The following RHOA variants were observed in gnomAD, a reference collection of about 807,000 sequenced individuals.
RHOA encodes transforming protein RhoA.
In RHOA, 3 loss-of-function variants were observed where a neutral mutation model predicts 17.5. The observed-to-expected ratio is 0.17, with a 90% CI of 0.08 to 0.44. RHOA has a LOEUF of 0.44. Ranked by LOEUF, RHOA falls within the 20% of genes least tolerant of loss-of-function variation. The probability of loss-of-function intolerance (pLI) is 0.99; values close to 1 mark genes in which losing one functional copy is unlikely to be tolerated. For missense variants in RHOA, 56 were observed against 242.3 expected (o/e 0.23, Z 5.10); for synonymous variants, 98 against 88.4 (o/e 1.11, Z -0.61).
chr3:49,400,774 G>C (rs546544227), intron 1 of RHOA, among the ~76,000 whole-genome samples: 1 of 151,724 alleles, frequency 6.6e-6, no homozygotes, highest in Non-Finnish European at 1.5e-5. Flanking sequence ...AGCCGGGCAC[G>C]GTGGCTCACG....
intron 2 of RHOA, among the ~76,000 whole-genome samples, chr3:49,372,801 C>CTTAG (rs1308970732): frequency 6.6e-6 from 1 of 151,186 alleles, no homozygotes; most frequent in Non-Finnish European, 1.5e-5. Context: ...GTATTCATCT[C>CTTAG]TTAGAAAGCG....
chr3:49,367,189 A>G (rs1289830503), intron 3 of RHOA, among the ~76,000 whole-genome samples: 1 of 151,734 alleles, frequency 6.6e-6, no homozygotes. Flanking sequence ...AAAAAATACA[A>G]AAAATTAGCC....
intron 4 of RHOA, chr3:49,361,010 T>C: frequency 4.1e-6 from 1 of 241,268 alleles, no homozygotes; most frequent in South Asian, 3.3e-5. Context: ...GAGGCGGAGG[T>C]TGCAGTTGAG....
chr3:49,401,506 G>A (rs2048724110), intron 1 of RHOA, among the ~76,000 whole-genome samples: 1 of 150,230 alleles, frequency 6.7e-6, no homozygotes, highest in Non-Finnish European at 1.5e-5. Context: ...TGCAGTGAGT[G>A]GAGATCGGGC....
intron 1 of RHOA, among the ~76,000 whole-genome samples, chr3:49,401,073 C>T (rs967705396): frequency 5.5e-5 from 7 of 126,358 alleles, no homozygotes; most frequent in Non-Finnish European, 5.1e-5. Context: ...AGTTAATTTC[C>T]TACCTTTTAG....
intron 1 of RHOA, among the ~76,000 whole-genome samples, chr3:49,402,082 C>T (rs1195620498): frequency 6.6e-6 from 1 of 152,154 alleles, no homozygotes; most frequent in Non-Finnish European, 1.5e-5. Context: ...AACTCAAGTT[C>T]TTTGGGGAAA....
At chr3:49,409,058 G>C (rs1348523424) in intron 1 of RHOA, among the ~76,000 whole-genome samples, 3 of 151,592 alleles carry the variant, frequency 2.0e-5, no homozygotes, top group African/African-American at 7.3e-5. Context: ...AAAGTGCTGG[G>C]ATTACAGGCA....
intron 1 of RHOA, among the ~76,000 whole-genome samples, chr3:49,392,107 C>T (rs1388272418): frequency 2.0e-4 from 30 of 151,830 alleles, no homozygotes; most frequent in Non-Finnish European, 1.6e-4. Flanking sequence ...GGATTACAGG[C>T]GTGAGCCACC....
chr3:49,363,608 T>C (rs1575642168), intron 3 of RHOA, among the ~76,000 whole-genome samples: 1 of 152,014 alleles, frequency 6.6e-6, no homozygotes. Flanking sequence ...TCCCAGCACT[T>C]TGGGAGGCTT....
intron 1 of RHOA, among the ~76,000 whole-genome samples, chr3:49,401,682 T>C (rs1033758132): frequency 2.6e-5 from 4 of 152,172 alleles, no homozygotes; most frequent in Non-Finnish European, 4.4e-5. Context: ...CTGTCCATAA[T>C]GAACTTGAGC....
At chr3:49,371,436 C>A (rs2048146371) in intron 2 of RHOA, among the ~76,000 whole-genome samples, 1 of 151,932 alleles carries the variant, frequency 6.6e-6, no homozygotes, top group African/African-American at 2.4e-5. Flanking sequence ...CCTGCCACCA[C>A]GCCCAGCTAA....
intron 1 of RHOA, among the ~76,000 whole-genome samples, chr3:49,403,219 T>C (rs982346301): frequency 6.6e-6 from 1 of 151,886 alleles, no homozygotes; most frequent in African/African-American, 2.4e-5. Context: ...GCACCTGTAG[T>C]CCCAGCTACT....
chr3:49,406,440 T>C (rs946036724), intron 1 of RHOA, among the ~76,000 whole-genome samples: 1 of 152,172 alleles, frequency 6.6e-6, no homozygotes, highest in Non-Finnish European at 1.5e-5. Flanking sequence ...TTTTAAATCA[T>C]GGGACTGAAT....
At chr3:49,363,019 T>C (rs2047995362) in intron 3 of RHOA, among the ~76,000 whole-genome samples, 1 of 152,234 alleles carries the variant, frequency 6.6e-6, no homozygotes, top group Non-Finnish European at 1.5e-5. Flanking sequence ...GTCCCCATTC[T>C]AGGGCAGCAG....
intron 1 of RHOA, among the ~76,000 whole-genome samples, chr3:49,410,676 A>G (rs899884477): frequency 9.9e-5 from 15 of 152,252 alleles, no homozygotes; most frequent in Non-Finnish European, 1.2e-4. Flanking sequence ...CGCATGGTAC[A>G]CATTACACAT....
rs1265665544 is a variant in RHOA, at chr3:49,359,222, A to G, written c.*987T>C. Reference sequence around the variant, plus strand: ...AAAAAAAGTTTAGTCAGCTGGAGAGAAGAGAGACTGAGTGCCACCCATGAG... The same window carrying G: ...AAAAAAAGTTTAGTCAGCTGGAGAGGAGAGAGACTGAGTGCCACCCATGAG... On this transcript the variant is annotated 3_prime_UTR_variant, in exon 5 of 5. Coordinates refer to ENST00000418115, the MANE Select transcript of RHOA (RefSeq NM_001664.4). 5.2e-6 allele frequency: 1 copy of G among 190,754 alleles called. No individual in the cohort carries two copies. Among genetic ancestry groups the G allele is most frequent in the African/African-American group, 2.3e-5 (1 of 42,876 alleles). 11.8% of individuals were successfully genotyped at this position (190,754 alleles called of 1,614,324 possible). A position where few individuals can be genotyped will look rare whatever the true frequency, so the allele number is the denominator to read the frequency against.
In RHOA at chr3:49,393,435, T is replaced by A. The variant is rs563579995; in HGVS notation, c.-2-17844A>T. On this transcript the variant is annotated intron_variant, in intron 1 of 4. Transcript: ENST00000418115. ...AGTTCTCCCACCTCAGTATCCCAAG[T>A]AGCTGAGACCACAGGCACACACCAC... Among the ~76,000 whole-genome samples, 15 of 151,604 alleles carry A rather than the reference T, an allele frequency of 9.9e-5. No individual in the cohort carries two copies. In the East Asian group the frequency reaches 2.9e-3, roughly 29 times the overall value.
At position 49,374,738 on chromosome 3, in the gene RHOA, C is replaced by CA. The variant is rs910152763; in HGVS notation, c.156+695dup. Among the ~76,000 whole-genome samples, 150 of 143,452 alleles carry CA rather than the reference C, an allele frequency of 1.0e-3. 3 individuals carry two copies. The highest frequency in any genetic ancestry group is 3.1e-3 in the Admixed American group (45 of 14,358). The allele number at this position is 143,452 out of a possible 152,430, so 94.1% of individuals were successfully genotyped here. A position where few individuals can be genotyped will look rare whatever the true frequency, so the allele number is the denominator to read the frequency against. Reference sequence around the variant, plus strand: ...CTCTGTCTCAAACAACAAAACAAAACAAAAAAAAAACACATATGCTAAGGA... The same window carrying CA: ...CTCTGTCTCAAACAACAAAACAAAACAAAAAAAAAAACACATATGCTAAGGA... On this transcript the variant is annotated intron_variant, in intron 2 of 4. Transcript: ENST00000418115.
At chr3:49,373,544 C>T (rs751646515) in intron 2 of RHOA, among the ~76,000 whole-genome samples, 3 of 152,180 alleles carry the variant, frequency 2.0e-5, no homozygotes, top group Non-Finnish European at 2.9e-5. Context: ...GAGCTGGGCA[C>T]GCTGGCTTGC....
Sources: gnomAD v4.1 joint callset for allele counts (sites outside exome capture counted in the v4.1 genomes callset) on GRCh38, gnomAD v4.1.1 for gene constraint, MANE v1.5 for transcripts, NCBI Gene and HGNC (gene_info 2026-07-23, HGNC 2026-07-21) for gene names.